Variants in PRKN observed in about 807,000 individuals in gnomAD.
PRKN encodes E3 ubiquitin-protein ligase parkin.
A neutral mutation model predicts 59.5 loss-of-function variants in PRKN; 56 were observed. The ratio of observed to expected loss-of-function variants is 0.94; its 90% CI spans 0.76 to 1.18. The LOEUF (loss-of-function observed/expected upper bound fraction) is 1.18, where lower values mean the gene tolerates loss of function less well. PRKN is among the 50% of genes most tolerant of loss of function. The pLI, the probability that PRKN is intolerant of heterozygous loss-of-function variation, is 0.00. For synonymous variants in PRKN, 250 were observed against 222.1 expected (o/e 1.13, Z -1.12); for missense variants, 657 against 596.4 (o/e 1.10, Z -1.06).
At position 162,026,624 on chromosome 6, in the gene PRKN, A is replaced by C. The variant is rs1325658974; in HGVS notation, c.618+27467T>G. The stretch of plus-strand genomic sequence containing the variant: ...AAAATGCTTTTAGTAGGGAAAGTGG[A>C]GCTCCCTAAAGGCATCTTAATATGT... On this transcript the variant is annotated intron_variant, in intron 5 of 11. Coordinates refer to ENST00000366898, the MANE Select transcript of PRKN (RefSeq NM_004562.3). Among the ~76,000 whole-genome samples the C allele has an allele frequency of 2.0e-5, 3 of 152,102 alleles. No individual in the cohort carries two copies. In the East Asian group the frequency reaches 5.8e-4, roughly 29 times the overall value.
intron 9 of PRKN, among the ~76,000 whole-genome samples, chr6:161,509,879 C>CAAAAAA (rs1175501223): frequency 5.1e-4 from 25 of 49,370 alleles, no homozygotes; most frequent in African/African-American, 1.5e-3. Flanking sequence ...GACTCCATCT[C>CAAAAAA]AAAAAAAAAA....
At chr6:161,505,647 T>C (rs1385289739) in intron 9 of PRKN, among the ~76,000 whole-genome samples, 2 of 150,580 alleles carry the variant, frequency 1.3e-5, no homozygotes, top group Admixed American at 6.6e-5. Flanking sequence ...TCTAGGGTTT[T>C]TATGGTTTTA....
intron 3 of PRKN, among the ~76,000 whole-genome samples, chr6:162,242,387 A>T (rs780481219): frequency 6.6e-6 from 1 of 152,146 alleles, no homozygotes; most frequent in Non-Finnish European, 1.5e-5. Context: ...CAGTTCATAC[A>T]GAAAGCAGAC....
At chr6:161,860,788 T>C (rs1793864456) in intron 6 of PRKN, among the ~76,000 whole-genome samples, 1 of 152,180 alleles carries the variant, frequency 6.6e-6, no homozygotes, top group Admixed American at 6.5e-5. Context: ...GAGACACTTC[T>C]CAAAAGAAGA....
chr6:162,581,060 C>T (rs1447018637), intron 1 of PRKN, among the ~76,000 whole-genome samples: 1 of 152,160 alleles, frequency 6.6e-6, no homozygotes, highest in Admixed American at 6.6e-5. Context: ...AAAAGTGCCA[C>T]AGCAGGTTCA....
intron 7 of PRKN, among the ~76,000 whole-genome samples, chr6:161,650,866 T>C (rs192680122): frequency 6.6e-6 from 1 of 152,324 alleles, no homozygotes; most frequent in African/African-American, 2.4e-5. Context: ...ACCTTAGTTC[T>C]CATGATATCC....
intron 6 of PRKN, among the ~76,000 whole-genome samples, chr6:161,962,254 G>A (rs948157300): frequency 4.6e-5 from 7 of 152,166 alleles, no homozygotes; most frequent in African/African-American, 1.7e-4. Flanking sequence ...ACTAAAAAGT[G>A]TCCCAGCAGT....
At chr6:162,668,176 A>G (rs115244953) in intron 1 of PRKN, among the ~76,000 whole-genome samples, 2,694 of 152,346 alleles carry the variant, frequency 0.018, 72 homozygotes, top group African/African-American at 0.062. Flanking sequence ...TAAACTCATC[A>G]GAGTATTTCA....
intron 4 of PRKN, among the ~76,000 whole-genome samples, chr6:162,171,887 A>C (rs1783296505): frequency 6.6e-6 from 1 of 152,170 alleles, no homozygotes; most frequent in Non-Finnish European, 1.5e-5. Context: ...GGAACATATA[A>C]GGTGTTCAAT....
At chr6:161,754,711 A>C (rs1294317317) in intron 7 of PRKN, among the ~76,000 whole-genome samples, 1 of 152,182 alleles carries the variant, frequency 6.6e-6, no homozygotes, top group Non-Finnish European at 1.5e-5. Flanking sequence ...CAAAGATGAC[A>C]AATATTGTGT....
At chr6:161,755,468 T>C (rs1265419194) in intron 7 of PRKN, among the ~76,000 whole-genome samples, 1 of 152,124 alleles carries the variant, frequency 6.6e-6, no homozygotes, top group East Asian at 1.9e-4. Flanking sequence ...GGGTTATGGA[T>C]ATATATTCCT....
chr6:162,191,161 G>A (rs1454600633), intron 4 of PRKN, among the ~76,000 whole-genome samples: 1 of 152,166 alleles, frequency 6.6e-6, no homozygotes, highest in East Asian at 1.9e-4. Context: ...ATTTACAAAT[G>A]TGATAGTCGC....
intron 7 of PRKN, among the ~76,000 whole-genome samples, chr6:161,756,442 GAAAAAAAAAAAA>G (rs57399165): frequency 2.7e-5 from 2 of 74,724 alleles, no homozygotes; most frequent in Non-Finnish European, 4.9e-5. Context: ...ACCTTGTCTC[GAAAAAAAAAAAA>G]AAAAAAAAAA....
In PRKN at chr6:161,479,476, C is replaced by T. The variant is rs150796855; in HGVS notation, c.1083+69378G>A. On this transcript the variant is annotated intron_variant, in intron 9 of 11. Transcript: ENST00000366898. Reference sequence around the variant, plus strand: ...ATACATTTATATTTTATAATCAGAACGCAAGCAGCAATGCCACTTCCATCT... The same window carrying T: ...ATACATTTATATTTTATAATCAGAATGCAAGCAGCAATGCCACTTCCATCT... Among the ~76,000 whole-genome samples the T allele has an allele frequency of 3.2e-3, 486 of 152,090 alleles. 1 individual carries two copies. The highest frequency in any genetic ancestry group is 0.011 in the African/African-American group (450 of 41,484).
intron 1 of PRKN, among the ~76,000 whole-genome samples, chr6:162,650,388 G>C (rs958411555): frequency 1.3e-5 from 2 of 151,904 alleles, no homozygotes; most frequent in Admixed American, 6.6e-5. Flanking sequence ...ACGAGGTCAG[G>C]AGATCGAGAC....
chr6:161,678,406 C>T lies in PRKN; in HGVS notation c.871+107366G>A, dbSNP rs115025116. On this transcript the variant is annotated intron_variant, in intron 7 of 11. Transcript: ENST00000366898. ...ATGGTATTAACAAAGTGGATGTAAACATGAAATAAGATAATAAGTGTAAAG... is the reference window on the plus strand; with the variant it reads ...ATGGTATTAACAAAGTGGATGTAAATATGAAATAAGATAATAAGTGTAAAG... 7.5e-3 allele frequency among the ~76,000 whole-genome samples: 1,129 copies of T among 151,202 alleles called. 24 individuals are homozygous for T. Among genetic ancestry groups the T allele is most frequent in the African/African-American group, 0.026 (1,063 of 41,128 alleles).
At chr6:162,179,288 T>C (rs945022640) in intron 4 of PRKN, among the ~76,000 whole-genome samples, 1 of 152,214 alleles carries the variant, frequency 6.6e-6, no homozygotes, top group Admixed American at 6.5e-5. Flanking sequence ...CTTAGGAACC[T>C]GTGCCAATTG....
chr6:161,523,387 C>T (rs951179390), intron 9 of PRKN, among the ~76,000 whole-genome samples: 2 of 152,264 alleles, frequency 1.3e-5, no homozygotes, highest in African/African-American at 2.4e-5. Context: ...AATATGTTCA[C>T]ATGTAACAAA....
chr6:162,610,271 A>G (rs1782092561), intron 1 of PRKN, among the ~76,000 whole-genome samples: 1 of 152,216 alleles, frequency 6.6e-6, no homozygotes, highest in Admixed American at 6.5e-5. Context: ...GGTTAGTGGT[A>G]GAGGCAGGAT....
Sources: allele counts gnomAD v4.1 joint callset (sites outside exome capture counted in the v4.1 genomes callset), GRCh38; gene constraint gnomAD v4.1.1; transcripts MANE v1.5; gene names NCBI Gene and HGNC (gene_info 2026-07-23, HGNC 2026-07-21).